Variants in PJA2 observed in about 807,000 individuals in gnomAD.
The protein encoded by PJA2 is E3 ubiquitin-protein ligase Praja-2.
A neutral mutation model predicts 69.3 loss-of-function variants in PJA2; 25 were observed. The observed-to-expected ratio is 0.36, with a 90% CI of 0.26 to 0.50. The LOEUF (loss-of-function observed/expected upper bound fraction) is 0.50. Ranked by LOEUF, PJA2 falls within the 20% of genes least tolerant of loss-of-function variation. The pLI, the probability that PJA2 is intolerant of heterozygous loss-of-function variation, is 0.96. For synonymous variants in PJA2, 308 were observed against 277.8 expected (o/e 1.11, Z -1.08); for missense variants, 809 against 830.2 (o/e 0.97, Z 0.31).
At chr5:109,344,396 T>C (rs1430459128) in intron 8 of PJA2, 85 bp from the exon 9 acceptor site, 7 of 1,393,886 alleles carry the variant, frequency 5.0e-6, no homozygotes, top group Non-Finnish European at 6.7e-6. Context: ...TCATAGAAGA[T>C]ACCTCTGAAA....
chr5:109,345,016 C>T (rs1047292658), intron 7 of PJA2, among the ~76,000 whole-genome samples, 197 bp from the exon 8 acceptor site: 1 of 151,958 alleles, frequency 6.6e-6, no homozygotes, highest in African/African-American at 2.4e-5. Flanking sequence ...AATATACACG[C>T]AGAGCCCAAC....
chr5:109,370,581 A>G (rs1762660720), intron 4 of PJA2, among the ~76,000 whole-genome samples: 2 of 152,210 alleles, frequency 1.3e-5, no homozygotes, highest in Admixed American at 1.3e-4. Flanking sequence ...AGCTGGGTCT[A>G]AGCCAAAGTT....
chr5:109,402,437 A>C (rs895798542), intron 1 of PJA2, among the ~76,000 whole-genome samples: 30 of 152,212 alleles, frequency 2.0e-4, no homozygotes, highest in African/African-American at 7.2e-4. Context: ...TATCAGAGAT[A>C]AAGAGGGCAT....
chr5:109,381,306 T>C (rs1191179468), intron 3 of PJA2, among the ~76,000 whole-genome samples, 197 bp downstream of exon 3: 1 of 152,174 alleles, frequency 6.6e-6, no homozygotes, highest in South Asian at 2.1e-4. Context: ...ATTGGCTGTA[T>C]TCTATTTTCT....
chr5:109,357,818 AT>A (rs1361020249), intron 6 of PJA2, among the ~76,000 whole-genome samples: 5 of 152,204 alleles, frequency 3.3e-5, no homozygotes, highest in African/African-American at 1.2e-4. Flanking sequence ...AACAACATAA[AT>A]TGTGTCTTCC....
intron 9 of PJA2, among the ~76,000 whole-genome samples, chr5:109,343,249 G>C (rs1482816331): frequency 5.4e-5 from 5 of 93,258 alleles, no homozygotes; most frequent in African/African-American, 2.1e-4. Context: ...TGTCCACTCA[G>C]GATTAAATGG....
At chr5:109,354,310 ATAGAT>A (rs1371056349) in intron 7 of PJA2, among the ~76,000 whole-genome samples, 1 of 146,324 alleles carries the variant, frequency 6.8e-6, no homozygotes, top group African/African-American at 2.5e-5. Flanking sequence ...AGAGATATCT[ATAGAT>A]TAGATATCTA....
chr5:109,408,902 C>T (rs1747754699), intron 1 of PJA2, among the ~76,000 whole-genome samples: 1 of 152,176 alleles, frequency 6.6e-6, no homozygotes, highest in Admixed American at 6.5e-5. Context: ...AGAAATGTGA[C>T]CAAATATTTC....
intron 9 of PJA2, among the ~76,000 whole-genome samples, chr5:109,342,333 A>G (rs1290801518): frequency 4.4e-3 from 220 of 50,512 alleles, no homozygotes; most frequent in Admixed American, 6.2e-3. Flanking sequence ...AGGTGGGGGG[A>G]TCGGCCCCCC....
In PJA2 at chr5:109,366,218, CT is replaced by C. The variant is rs538478946; in HGVS notation, c.1469+2342del. Among the ~76,000 whole-genome samples the C allele has an allele frequency of 1.3e-5, 2 of 152,264 alleles. 1 individual carries two copies. Among genetic ancestry groups the C allele is most frequent in the South Asian group, 4.1e-4 (2 of 4,824 alleles). On this transcript the variant is annotated intron_variant, in intron 5 of 9. Transcript: ENST00000361189. The stretch of plus-strand genomic sequence containing the variant: ...TCATGGTAATACAAAAACTACCTTA[CT>C]AAATAGTCTGAATCACTGTTAGAAA...
Position 109,335,355 on chromosome 5 carries a change from T to C in PJA2, c.*1876A>G, listed in dbSNP as rs940496451. On this transcript the variant is annotated 3_prime_UTR_variant, in exon 10 of 10. Coordinates refer to ENST00000361189, the MANE Select transcript of PJA2 (RefSeq NM_014819.5). Reference sequence around the variant, plus strand: ...TAAGTTCAGCTCTCAACATTGCTGGTTGAGTTTGGAACCAAAACCTCTTAA... The same window carrying C: ...TAAGTTCAGCTCTCAACATTGCTGGCTGAGTTTGGAACCAAAACCTCTTAA... 3.3e-5 allele frequency: 5 copies of C among 152,652 alleles called. No homozygotes were observed. The highest frequency in any genetic ancestry group is 1.2e-4 in the African/African-American group (5 of 41,470). 9.5% of individuals were successfully genotyped at this position (152,652 alleles called of 1,614,324 possible). A position where few individuals can be genotyped will look rare whatever the true frequency, so the allele number is the denominator to read the frequency against.
intron 2 of PJA2, among the ~76,000 whole-genome samples, chr5:109,381,942 T>C (rs1747059721): frequency 6.6e-6 from 1 of 152,160 alleles, no homozygotes; most frequent in African/African-American, 2.4e-5. Context: ...TTTTAAAATT[T>C]GGTTTCTTTA....
At chr5:109,354,008 TAGATTAGATATCTATGATATCTAG>T (rs1762340530) in intron 7 of PJA2, among the ~76,000 whole-genome samples, 1 of 141,774 alleles carries the variant, frequency 7.1e-6, no homozygotes, top group African/African-American at 2.7e-5. Context: ...GAGATATCTA[TAGATTAGATATCTATGATATCTAG>T]AGATATCTAT....
At chr5:109,345,474 C>T (rs889097147) in intron 7 of PJA2, among the ~76,000 whole-genome samples, 26 of 134,732 alleles carry the variant, frequency 1.9e-4, no homozygotes, top group Admixed American at 1.0e-3. Flanking sequence ...CTGAGATCAC[C>T]ATGCACTCCA....
chr5:109,367,796 A>G (rs1036165287), intron 5 of PJA2, among the ~76,000 whole-genome samples: 1 of 152,346 alleles, frequency 6.6e-6, no homozygotes, highest in Non-Finnish European at 1.5e-5. Context: ...TAGCAAATCT[A>G]ATTATAGAAC....
At chr5:109,345,418 G>A (rs1202919223) in intron 7 of PJA2, among the ~76,000 whole-genome samples, 9 of 150,220 alleles carry the variant, frequency 6.0e-5, no homozygotes, top group Non-Finnish European at 1.0e-4. Context: ...TGGGGAGACT[G>A]AGGCAGGAGA....
intron 7 of PJA2, among the ~76,000 whole-genome samples, chr5:109,354,494 A>ATCTAGAG (rs1380528220): frequency 1.5e-5 from 1 of 64,848 alleles, no homozygotes; most frequent in African/African-American, 6.0e-5. Flanking sequence ...AGATATCTAT[A>ATCTAGAG]ATATCATAGA....
intron 7 of PJA2, among the ~76,000 whole-genome samples, chr5:109,353,980 A>C (rs1237540493): frequency 7.1e-6 from 1 of 140,336 alleles, no homozygotes; most frequent in Non-Finnish European, 1.6e-5. Context: ...AGATATCTAT[A>C]GATTAGATAG....
In PJA2 at chr5:109,400,486, A is replaced by AG. The variant is rs1267642818; in HGVS notation, c.-88+9355dup. Among the ~76,000 whole-genome samples, 178 of 12,766 alleles carry AG rather than the reference A, an allele frequency of 0.014. 2 individuals carry two copies. The East Asian group carries it at 0.21, about 15-fold the overall frequency. 8.4% of individuals were successfully genotyped at this position (12,766 alleles called of 152,430 possible). A position where few individuals can be genotyped will look rare whatever the true frequency, so the allele number is the denominator to read the frequency against. On this transcript the variant is annotated intron_variant, in intron 1 of 9. Transcript: ENST00000361189. ...AAAAAGAGAGCAAACCAGCAGGGGGAGGGGGGGGAAGGGCGGGGGGGTGTC... is the reference window on the plus strand; with the variant it reads ...AAAAAGAGAGCAAACCAGCAGGGGGAGGGGGGGGGAAGGGCGGGGGGGTGTC...
Sources: gnomAD v4.1 joint callset for allele counts (sites outside exome capture counted in the v4.1 genomes callset) on GRCh38, gnomAD v4.1.1 for gene constraint, MANE v1.5 for transcripts, NCBI Gene and HGNC (gene_info 2026-07-23, HGNC 2026-07-21) for gene names.